The following GNAO1 variants were observed in gnomAD, a reference collection of about 807,000 sequenced individuals.
GNAO1 encodes guanine nucleotide-binding protein G(o) subunit alpha.
For missense variants in GNAO1, 166 were observed against 478.7 expected (o/e 0.35, Z 6.10); for synonymous variants, 164 against 180.7 (o/e 0.91, Z 0.74).
chr16:56,289,036 G>GT (rs1555504868), intron 3 of GNAO1, among the ~76,000 whole-genome samples: 5 of 150,662 alleles, frequency 3.3e-5, no homozygotes, highest in African/African-American at 9.7e-5. Flanking sequence ...CCAAAAAAGG[G>GT]GGGGGGAGCG....
intron 8 of GNAO1, chr16:56,355,784 G>A (rs1332498450): frequency 2.0e-5 from 3 of 152,256 alleles, no homozygotes; most frequent in Admixed American, 6.5e-5. Flanking sequence ...CAGCTGACAG[G>A]AGGGGACTCA....
At chr16:56,194,162 G>T (rs2036208827) in intron 2 of GNAO1, 2 of 456,494 alleles carry the variant, frequency 4.4e-6, no homozygotes, top group Non-Finnish European at 8.8e-6. Context: ...TTATTCGAGA[G>T]CTCCCTGGGG....
intron 2 of GNAO1, among the ~76,000 whole-genome samples, chr16:56,242,633 T>C (rs1485882868): frequency 2.6e-5 from 4 of 152,148 alleles, no homozygotes; most frequent in Admixed American, 1.3e-4. Flanking sequence ...AAGAATAAAT[T>C]TGGATCCTTA....
intron 2 of GNAO1, among the ~76,000 whole-genome samples, chr16:56,230,912 G>A (rs368255394): frequency 2.0e-5 from 3 of 152,174 alleles, no homozygotes; most frequent in East Asian, 3.9e-4. Context: ...GGTGTGCCCC[G>A]TTGTGCTCTG....
At chr16:56,296,357 G>A (rs998061424) in intron 3 of GNAO1, among the ~76,000 whole-genome samples, 5 of 152,146 alleles carry the variant, frequency 3.3e-5, no homozygotes, top group Admixed American at 1.3e-4. Flanking sequence ...CCAGAGCGAC[G>A]GGCTGGAATT....
chr16:56,283,960 A>G (rs1488874876), intron 3 of GNAO1, among the ~76,000 whole-genome samples: 1 of 152,178 alleles, frequency 6.6e-6, no homozygotes, highest in Non-Finnish European at 1.5e-5. Context: ...ACCCAGGGGA[A>G]TATGTGGCAG....
At chr16:56,256,718 C>CTCTGTGTGTGTG in intron 2 of GNAO1, among the ~76,000 whole-genome samples, 1 of 72,306 alleles carries the variant, frequency 1.4e-5, no homozygotes, top group African/African-American at 4.2e-5. Context: ...CTCTCTCTCT[C>CTCTGTGTGTGTG]TGTGTGTGTG....
chr16:56,279,151 CT>C (rs1243171599), intron 3 of GNAO1, among the ~76,000 whole-genome samples: 1 of 152,146 alleles, frequency 6.6e-6, no homozygotes, highest in Non-Finnish European at 1.5e-5. Context: ...CAGCCTTGCA[CT>C]CTCCACACAG....
chr16:56,324,745 G>T (rs1471666387), intron 3 of GNAO1, among the ~76,000 whole-genome samples: 3 of 152,254 alleles, frequency 2.0e-5, no homozygotes, highest in African/African-American at 7.2e-5. Flanking sequence ...GACCCCACGG[G>T]CTGGGTTGTT....
At chr16:56,208,644 A>G (rs1307633848) in intron 2 of GNAO1, among the ~76,000 whole-genome samples, 1 of 152,208 alleles carries the variant, frequency 6.6e-6, no homozygotes. Flanking sequence ...AATATTTGGT[A>G]CTGTCCAATT....
At chr16:56,260,357 G>A (rs913491170) in intron 2 of GNAO1, among the ~76,000 whole-genome samples, 1 of 152,172 alleles carries the variant, frequency 6.6e-6, no homozygotes, top group Non-Finnish European at 1.5e-5. Context: ...TGAGGGGCCT[G>A]TTCTCCTTAG....
chr16:56,255,271 A>C (rs534142375), intron 2 of GNAO1, among the ~76,000 whole-genome samples: 1 of 152,214 alleles, frequency 6.6e-6, no homozygotes, highest in East Asian at 1.9e-4. Context: ...TGACCAGTTC[A>C]TTTTCCCCAG....
chr16:56,326,696 T>G lies in GNAO1; in HGVS notation c.304-1935T>G, dbSNP rs1350482156. On this transcript the variant is annotated intron_variant, in intron 3 of 8. Coordinates refer to ENST00000262493, the MANE Select transcript of GNAO1 (RefSeq NM_020988.3). The surrounding 1 kb of genome is among the most constrained non-coding windows in gnomAD (Gnocchi z 4.8). ...CGGGTTATTTGCCCATTCCTGTCTG[T>G]CCGGGGCACCGACTCAAACTGCAGC... Among the ~76,000 whole-genome samples the G allele has an allele frequency of 6.6e-6, 1 of 152,212 alleles. No individual in the cohort carries two copies. Among genetic ancestry groups the G allele is most frequent in the African/African-American group, 2.4e-5 (1 of 41,458 alleles).
intron 3 of GNAO1, among the ~76,000 whole-genome samples, chr16:56,286,695 CTGTGTG>C (rs57968280): frequency 0.023 from 3,391 of 144,844 alleles, 108 homozygotes; most frequent in African/African-American, 0.067. Context: ...TCTGTCGCCT[CTGTGTG>C]TGTGTGTGTG....
At chr16:56,224,711 CCT>C (rs1211469567) in intron 2 of GNAO1, among the ~76,000 whole-genome samples, 1 of 152,212 alleles carries the variant, frequency 6.6e-6, no homozygotes, top group Non-Finnish European at 1.5e-5. Flanking sequence ...GAACTCCTGA[CCT>C]CAAGTGATCC....
chr16:56,343,644 G>C, intron 6 of GNAO1: 1 of 716,084 alleles, frequency 1.4e-6, no homozygotes, highest in Non-Finnish European at 2.3e-6. Context: ...GGTTTTCCCT[G>C]TGCAGTTGTC....
chr16:56,296,566 G>C (rs2037290025), intron 3 of GNAO1, among the ~76,000 whole-genome samples: 1 of 152,076 alleles, frequency 6.6e-6, no homozygotes, highest in African/African-American at 2.4e-5. Flanking sequence ...CTACCCAGGG[G>C]GACACACAGA....
rs563556236 is a variant in GNAO1 at position 56,355,119 on chromosome 16, C to T, written c.*28+38C>T. Reference sequence around the variant, plus strand: ...GCACCCACAGAACAGCTTGCGTGCGCGCGCATACACACACACACACACACA... The same window carrying T: ...GCACCCACAGAACAGCTTGCGTGCGTGCGCATACACACACACACACACACA... On this transcript the variant is annotated intron_variant, in intron 8 of 8. Coordinates refer to ENST00000262493, the MANE Select transcript of GNAO1 (RefSeq NM_020988.3). 2.2e-4 allele frequency: 183 copies of T among 839,188 alleles called. No homozygotes were observed. The African/African-American group carries it at 2.5e-3, about 11-fold the overall frequency. 52.0% of individuals were successfully genotyped at this position (839,188 alleles called of 1,614,324 possible).
At chr16:56,299,584 T>G (rs2037321452) in intron 3 of GNAO1, among the ~76,000 whole-genome samples, 1 of 152,068 alleles carries the variant, frequency 6.6e-6, no homozygotes, top group African/African-American at 2.4e-5. Flanking sequence ...CTCTGAATCA[T>G]TTTTTCCAAT....
Sources: allele counts gnomAD v4.1 joint callset (sites outside exome capture counted in the v4.1 genomes callset), GRCh38; gene constraint gnomAD v4.1.1; non-coding constraint Gnocchi (gnomAD v3.1); transcripts MANE v1.5; gene names NCBI Gene and HGNC (gene_info 2026-07-23, HGNC 2026-07-21).